The following EMC1 variants were observed in gnomAD, a reference collection of about 807,000 sequenced individuals.
EMC1 encodes KIAA0090.
Under a neutral mutation model 128.8 loss-of-function variants are expected in EMC1, and 103 were observed. The observed-to-expected ratio is 0.80, with a 90% CI of 0.68 to 0.94. The LOEUF (loss-of-function observed/expected upper bound fraction) is 0.94, where lower values mean the gene tolerates loss of function less well. Ranked by LOEUF, EMC1 falls within the 40% of genes least tolerant of loss-of-function variation. The pLI, the probability that EMC1 is intolerant of heterozygous loss-of-function variation, is 0.00. For missense variants in EMC1, 1,083 were observed against 1,250.6 expected (o/e 0.87, Z 2.02); for synonymous variants, 442 against 490.4 (o/e 0.90, Z 1.30).
intron 1 of EMC1, among the ~76,000 whole-genome samples, chr1:19,250,090 T>C (rs1005107905): frequency 8.6e-5 from 13 of 151,430 alleles, no homozygotes; most frequent in Non-Finnish European, 1.6e-4. Flanking sequence ...TGGTGGCGCA[T>C]GCCTGTAATC....
intron 15 of EMC1, among the ~76,000 whole-genome samples, chr1:19,231,918 T>G (rs887572410): frequency 6.6e-6 from 1 of 151,658 alleles, no homozygotes; most frequent in African/African-American, 2.4e-5. Flanking sequence ...CCACCGCGCC[T>G]GGCTGCTCTG....
intron 18 of EMC1, among the ~76,000 whole-genome samples, chr1:19,227,031 A>C (rs552294718): frequency 2.0e-4 from 31 of 152,238 alleles, no homozygotes; most frequent in African/African-American, 7.2e-4. Context: ...TGTCACAGGA[A>C]ACAAACAAAC....
At position 19,217,916 on chromosome 1, in the gene EMC1, C is replaced by T. The variant is rs2093405266; in HGVS notation, c.*1387G>A. On this transcript the variant is annotated 3_prime_UTR_variant, in exon 23 of 23. Coordinates refer to ENST00000477853, the MANE Select transcript of EMC1 (RefSeq NM_015047.3). Reference sequence around the variant, plus strand: ...GCCATAATCTACCATCAGCATATGACCATAGAAAGATGACAAATTTTTAGA... The same window carrying T: ...GCCATAATCTACCATCAGCATATGATCATAGAAAGATGACAAATTTTTAGA... 1.3e-5 allele frequency: 2 copies of T among 152,150 alleles called. No individual in the cohort carries two copies. The highest frequency in any genetic ancestry group is 4.8e-5 in the African/African-American group (2 of 41,434). 9.4% of individuals were successfully genotyped at this position (152,150 alleles called of 1,614,324 possible).
Position 19,251,470 on chromosome 1 carries a change from T to C in EMC1, c.40A>G (p.Thr14Ala), listed in dbSNP as rs749385394. 1 of 1,614,174 alleles carries C rather than the reference T, an allele frequency of 6.2e-7. No homozygotes were observed. The highest frequency in any genetic ancestry group is 1.3e-5 in the African/African-American group (1 of 75,076). The stretch of plus-strand genomic sequence containing the variant: ...ACCGCGGCCGCAGGAATCAGCAGCG[T>C]AGCCCAAAGCCAGAAACGAGAAGCC... ...EWASRFWLWA[T>A]LLIPAAAVYE... The change falls in exon 1 of 23, where the codon ACG becomes GCG. Residue 14 changes from threonine (T) to alanine (A), a missense_variant. Coordinates refer to ENST00000477853, the MANE Select transcript of EMC1 (RefSeq NM_015047.3).
intron 11 of EMC1, among the ~76,000 whole-genome samples, chr1:19,237,555 G>A (rs710880): frequency 0.046 from 6,952 of 152,122 alleles, 530 homozygotes; most frequent in African/African-American, 0.16. Flanking sequence ...CTTTAGAAAC[G>A]AAGAAGCCAC....
At chr1:19,232,276 T>C (rs2093529315) in intron 15 of EMC1, among the ~76,000 whole-genome samples, 1 of 152,144 alleles carries the variant, frequency 6.6e-6, no homozygotes, top group African/African-American at 2.4e-5. Flanking sequence ...CTAGAATGAA[T>C]ACACAAAAAT....
At chr1:19,229,663 AT>A (rs2093505364) in intron 17 of EMC1, among the ~76,000 whole-genome samples, 1 of 152,188 alleles carries the variant, frequency 6.6e-6, no homozygotes, top group Admixed American at 6.5e-5. Context: ...TGGGCAGACC[AT>A]TTCCAGTGCT....
chr1:19,227,932 G>A (rs539456593), intron 17 of EMC1, among the ~76,000 whole-genome samples: 458 of 152,264 alleles, frequency 3.0e-3, no homozygotes, highest in African/African-American at 9.9e-3. Flanking sequence ...TAGACCGGGC[G>A]TGGTGGCTCA....
chr1:19,240,059 T>C (rs2093595125), intron 7 of EMC1, 74 bp from the exon 8 acceptor site: 1 of 1,443,398 alleles, frequency 6.9e-7, no homozygotes, highest in South Asian at 1.3e-5. Context: ...TCACAACCTC[T>C]GCCCTACTTT....
intron 18 of EMC1, among the ~76,000 whole-genome samples, chr1:19,224,844 T>A (rs1264836833): frequency 6.6e-6 from 1 of 152,192 alleles, no homozygotes; most frequent in African/African-American, 2.4e-5. Context: ...ACTCATCATC[T>A]TCTAGTTACC....
At chr1:19,231,642 CAG>C (rs1451514516) in intron 15 of EMC1, among the ~76,000 whole-genome samples, 3 of 152,088 alleles carry the variant, frequency 2.0e-5, no homozygotes, top group Admixed American at 6.6e-5. Flanking sequence ...TCGTTTGAGA[CAG>C]GGTCTCTCTC....
Position 19,227,367 on chromosome 1 carries a change from A to G in EMC1, c.2148T>C (p.Ser716=). The G allele has an allele frequency of 6.2e-7, 1 of 1,614,210 alleles. No homozygotes were observed. The highest frequency in any genetic ancestry group is 8.5e-7 in the Non-Finnish European group (1 of 1,180,030). ...RIVKVKGKRS[S]EHVHSQGRVM... ...CACGGCCCTGGGAATGAACGTGCTC[A>G]CTGCTGCGTTTCCCCTTCACCTTGA... The change falls in exon 18 of 23, where the codon AGT becomes AGC. Residue 716 remains serine, a synonymous_variant. Coordinates refer to ENST00000477853, the MANE Select transcript of EMC1 (RefSeq NM_015047.3).
chr1:19,238,694 G>A (rs1283593728), intron 10 of EMC1, 101 bp downstream of exon 10: 12 of 752,202 alleles, frequency 1.6e-5, no homozygotes, highest in African/African-American at 3.6e-5. Flanking sequence ...TTTGAAGCTG[G>A]GAACTCTAGG....
Position 19,237,192 on chromosome 1 carries a change from C to T in EMC1, c.1259G>A (p.Arg420Gln), listed in dbSNP as rs747400495. The T allele has an allele frequency of 6.8e-6, 11 of 1,613,912 alleles. No individual in the cohort carries two copies. The East Asian group carries it at 1.3e-4, about 20-fold the overall frequency. ...ATGATCCTCTGTCTGCACCAAAGCC[C>T]GGTAGCCCACTGAGTCATCCTTCTT... ...FLKKDDSVGY[R>Q]ALVQTEDHLL... Residue 420 changes from arginine (R) to glutamine (Q), a missense_variant, in exon 12 of 23, where the codon CGG becomes CAG. Arg to Gln is a conservative substitution (Grantham distance 43). Around this residue, in one of 3 missense-constraint regions of EMC1, gnomAD observed 544 missense variants for 572.4 expected, o/e 0.95. Transcript: ENST00000477853.
At chr1:19,237,893 G>T in intron 11 of EMC1, 124 bp downstream of exon 11, 1 of 1,243,776 alleles carries the variant, frequency 8.0e-7, no homozygotes, top group African/African-American at 1.5e-5. Flanking sequence ...GTGGCTCAGA[G>T]AGCACTAGAA....
chr1:19,239,974 T>A lies in EMC1; in HGVS notation c.798A>T (p.Leu266Phe), dbSNP rs970006483. 1.2e-6 allele frequency: 2 copies of A among 1,611,866 alleles called. No homozygotes were observed. The highest frequency in any genetic ancestry group is 2.2e-5 in the East Asian group (1 of 44,826). ...GGGGTTGGAATCCACTTCCAAATTC[T>A]AAGTCGAGAGACTGGAAGGCAAGAA... ...LRQIPLQSLD[L>F]EFGSGFQPRV... Residue 266 changes from leucine (L) to phenylalanine (F), a missense_variant, in exon 8 of 23, where the codon TTA becomes TTT. Physicochemically the swap from Leu to Phe is conservative, Grantham distance 22. Coordinates refer to ENST00000477853, the MANE Select transcript of EMC1 (RefSeq NM_015047.3).
chr1:19,243,489 T>A (rs1035025836), intron 4 of EMC1, 125 bp downstream of exon 4: 12 of 810,094 alleles, frequency 1.5e-5, no homozygotes, highest in Admixed American at 3.8e-5. Context: ...GGGTACTCAA[T>A]GTCAATGGCT....
At chr1:19,230,242 CA>C (rs2093509481) in intron 17 of EMC1, among the ~76,000 whole-genome samples, 1 of 151,888 alleles carries the variant, frequency 6.6e-6, no homozygotes, top group Non-Finnish European at 1.5e-5. Flanking sequence ...TCTACCCTCC[CA>C]AGAATGGAAA....
At chr1:19,229,080 T>G (rs1452533976) in intron 17 of EMC1, among the ~76,000 whole-genome samples, 1 of 152,062 alleles carries the variant, frequency 6.6e-6, no homozygotes, top group Non-Finnish European at 1.5e-5. Context: ...CACACACGTG[T>G]GTCCACACAG....
Sources: allele counts gnomAD v4.1 joint callset (sites outside exome capture counted in the v4.1 genomes callset), GRCh38; gene constraint gnomAD v4.1.1; regional missense constraint gnomAD v4.1.1; transcripts MANE v1.5; gene names NCBI Gene and HGNC (gene_info 2026-07-23, HGNC 2026-07-21).